Variants in SESN3 observed in about 807,000 individuals in gnomAD.
The protein encoded by SESN3 is sestrin 3, also known as sestrin-3.
In SESN3, 21 loss-of-function variants were observed where a neutral mutation model predicts 55.3. That is an observed-to-expected ratio of 0.38 (90% CI 0.27 to 0.55). SESN3 has a LOEUF of 0.55. Among genes scored for constraint, SESN3 ranks in the 20% least tolerant of loss-of-function variants. The probability of loss-of-function intolerance (pLI) is 0.76; values close to 1 mark genes in which losing one functional copy is unlikely to be tolerated. For synonymous variants in SESN3, 181 were observed against 203.1 expected, an observed-to-expected ratio of 0.89 and a Z score of 0.93; for missense variants, 408 against 604.3, an observed-to-expected ratio of 0.68 and a Z score of 3.41.
intron 1 of SESN3, among the ~76,000 whole-genome samples, chr11:95,202,923 A>C (rs1860484869): frequency 6.6e-6 from 1 of 152,158 alleles, no homozygotes; most frequent in African/African-American, 2.4e-5. Flanking sequence ...CTATTAAAAT[A>C]ATGTCTCAAT....
At chr11:95,219,824 A>C (rs948875264) in intron 1 of SESN3, among the ~76,000 whole-genome samples, 12 of 151,970 alleles carry the variant, frequency 7.9e-5, no homozygotes, top group Non-Finnish European at 1.8e-4. Context: ...GACAGTCTCT[A>C]GTGAAGCGGT....
chr11:95,174,802 A>T (rs1023813055), intron 9 of SESN3, among the ~76,000 whole-genome samples: 2 of 151,974 alleles, frequency 1.3e-5, no homozygotes, highest in Admixed American at 6.6e-5. Flanking sequence ...CTGGGTTTTT[A>T]AAATATTTTT....
At chr11:95,217,485 C>A (rs756481853) in intron 1 of SESN3, among the ~76,000 whole-genome samples, 6 of 151,980 alleles carry the variant, frequency 3.9e-5, no homozygotes, top group Non-Finnish European at 8.8e-5. Context: ...ATCCCCGTCT[C>A]TACTAAAAAT....
chr11:95,222,673 C>T (rs1860878757), intron 1 of SESN3, among the ~76,000 whole-genome samples: 2 of 152,012 alleles, frequency 1.3e-5, no homozygotes, highest in Admixed American at 6.6e-5. Context: ...ATGCTAAGTG[C>T]AATAAATGCA....
At chr11:95,217,033 G>A (rs1174393332) in intron 1 of SESN3, among the ~76,000 whole-genome samples, 1 of 151,672 alleles carries the variant, frequency 6.6e-6, no homozygotes, top group African/African-American at 2.4e-5. Flanking sequence ...TTGAACCCTG[G>A]AGGTGGGGGT....
chr11:95,173,088 C>G lies in SESN3; in HGVS notation c.*167G>C. 1 of 466,880 alleles carries G rather than the reference C, an allele frequency of 2.1e-6. No homozygotes were observed. Among genetic ancestry groups the G allele is most frequent in the Non-Finnish European group, 3.9e-6 (1 of 256,746 alleles). The allele number at this position is 466,880 out of a possible 1,614,324, so 28.9% of individuals were successfully genotyped here. A position where few individuals can be genotyped will look rare whatever the true frequency, so the allele number is the denominator to read the frequency against. On this transcript the variant is annotated 3_prime_UTR_variant, in exon 10 of 10. Coordinates refer to ENST00000536441, the MANE Select transcript of SESN3 (RefSeq NM_144665.4). ...ATGTTAAGCATCAAGGAAAATAAAA[C>G]ACATCATTGCACATTACAGCCGCAA...
chr11:95,224,025 G>C (rs1253479765), intron 1 of SESN3, among the ~76,000 whole-genome samples: 3 of 152,128 alleles, frequency 2.0e-5, no homozygotes, highest in African/African-American at 7.2e-5. Flanking sequence ...AACATAAAAA[G>C]TGAGAAGAGT....
rs559938115 is a variant in SESN3, at chr11:95,215,272, G to A, written c.78+15511C>T. Reference sequence around the variant, plus strand: ...AGCAGGTCTAGGGGTGGGGGGTGGGGTAATAATCTAACAAACTCCCAGTTG... The same window carrying A: ...AGCAGGTCTAGGGGTGGGGGGTGGGATAATAATCTAACAAACTCCCAGTTG... On this transcript the variant is annotated intron_variant, in intron 1 of 9. Transcript: ENST00000536441. 3.3e-5 allele frequency among the ~76,000 whole-genome samples: 3 copies of A among 90,476 alleles called. No individual in the cohort carries two copies. In the East Asian group the frequency reaches 1.3e-3, roughly 38 times the overall value. 59.4% of individuals were successfully genotyped at this position (90,476 alleles called of 152,430 possible).
chr11:95,198,207 A>G (rs1235412359), intron 1 of SESN3, among the ~76,000 whole-genome samples: 1 of 152,166 alleles, frequency 6.6e-6, no homozygotes, highest in Non-Finnish European at 1.5e-5. Context: ...TCCCCTCACA[A>G]GTGAGAATAA....
intron 1 of SESN3, among the ~76,000 whole-genome samples, chr11:95,222,668 A>C (rs1460166123): frequency 6.6e-6 from 1 of 152,204 alleles, no homozygotes; most frequent in African/African-American, 2.4e-5. Context: ...TCAGTATGCT[A>C]AGTGCAATAA....
rs2134264123 is a variant in SESN3, at chr11:95,218,701, A to AGTGC, written c.78+12078_78+12081dup. 1.6e-5 allele frequency among the ~76,000 whole-genome samples: 2 copies of AGTGC among 127,418 alleles called. 1 individual carries two copies. The highest frequency in any genetic ancestry group is 4.8e-4 in the South Asian group (2 of 4,142). 83.6% of individuals were successfully genotyped at this position (127,418 alleles called of 152,430 possible). On this transcript the variant is annotated intron_variant, in intron 1 of 9. Transcript: ENST00000536441. The stretch of plus-strand genomic sequence containing the variant: ...CATCTCGCTCTGTCGCCCAGGCTGG[A>AGTGC]GTGCAATGGCGCGATCTCAGCTTAC...
At chr11:95,210,792 A>G (rs959463006) in intron 1 of SESN3, among the ~76,000 whole-genome samples, 9 of 152,200 alleles carry the variant, frequency 5.9e-5, no homozygotes, top group African/African-American at 1.9e-4. Context: ...TTAAAAAGTT[A>G]ATTTGACAAA....
intron 1 of SESN3, among the ~76,000 whole-genome samples, chr11:95,194,998 A>G (rs967231921): frequency 6.6e-6 from 1 of 152,164 alleles, no homozygotes; most frequent in African/African-American, 2.4e-5. Flanking sequence ...TTCATTTCAA[A>G]TGAACAAAGC....
At chr11:95,174,903 C>G (rs1404199905) in intron 9 of SESN3, among the ~76,000 whole-genome samples, 2 of 152,046 alleles carry the variant, frequency 1.3e-5, no homozygotes, top group East Asian at 1.9e-4. Flanking sequence ...CTTAGAAATA[C>G]TAGATCTGAG....
intron 1 of SESN3, among the ~76,000 whole-genome samples, chr11:95,212,377 C>T (rs1279478192): frequency 3.3e-5 from 5 of 152,086 alleles, no homozygotes; most frequent in African/African-American, 1.2e-4. Flanking sequence ...CTAGGACAGA[C>T]TCCATACACC....
intron 1 of SESN3, among the ~76,000 whole-genome samples, chr11:95,205,107 C>G (rs1860524772): frequency 6.6e-6 from 1 of 151,966 alleles, no homozygotes; most frequent in South Asian, 2.1e-4. Context: ...TACAACAATA[C>G]CAGTAAAAAG....
In SESN3 at chr11:95,170,675, G is replaced by T. The variant is rs147984442; in HGVS notation, c.*2580C>A. On this transcript the variant is annotated 3_prime_UTR_variant, in exon 10 of 10. Coordinates refer to ENST00000536441, the MANE Select transcript of SESN3 (RefSeq NM_144665.4). ...GATAAAGAGAGTTAACAGCAAACTC[G>T]TTGTAAAATGGTATTCACAACCTGA... is the stretch of plus-strand genomic sequence containing the variant. The T allele has an allele frequency of 1.3e-5, 2 of 152,164 alleles. No individual in the cohort carries two copies. Among genetic ancestry groups the T allele is most frequent in the Non-Finnish European group, 1.5e-5 (1 of 68,018 alleles). 9.4% of individuals were successfully genotyped at this position (152,164 alleles called of 1,614,324 possible).
At chr11:95,193,559 ACTTT>A in intron 1 of SESN3, 37 bp from the exon 2 acceptor site, 1 of 1,126,880 alleles carries the variant, frequency 8.9e-7, no homozygotes. Flanking sequence ...ATCAATGATG[ACTTT>A]CTAAGAAATG....
chr11:95,209,097 G>A (rs1329797134), intron 1 of SESN3, among the ~76,000 whole-genome samples: 1 of 151,478 alleles, frequency 6.6e-6, no homozygotes, highest in East Asian at 1.9e-4. Context: ...AAGAGCTTCT[G>A]CACAGCAAAA....
Sources: allele counts gnomAD v4.1 joint callset (sites outside exome capture counted in the v4.1 genomes callset), GRCh38; gene constraint gnomAD v4.1.1; transcripts MANE v1.5; gene names NCBI Gene and HGNC (gene_info 2026-07-23, HGNC 2026-07-21).